UPK1B: variants seen among roughly 807,000 people sequenced by gnomAD.
The protein encoded by UPK1B is uroplakin 1B.
In UPK1B, 28 loss-of-function variants were observed where a neutral mutation model predicts 34.2. That is an observed-to-expected ratio of 0.82 (90% CI 0.61 to 1.12). The LOEUF is 1.12. Among genes scored for constraint, UPK1B ranks in the 50% most tolerant of loss-of-function variants. The pLI is 0.00. For synonymous variants in UPK1B, 81 were observed against 110.4 expected (o/e 0.73, Z 1.67); for missense variants, 325 against 320.9 (o/e 1.01, Z -0.10).
At chr3:119,184,631 C>G (rs1301654197) in intron 1 of UPK1B, among the ~76,000 whole-genome samples, 2 of 151,168 alleles carry the variant, frequency 1.3e-5, no homozygotes, top group Non-Finnish European at 2.9e-5. Flanking sequence ...GAGGCTGAGG[C>G]AGGACAATAG....
intron 1 of UPK1B, among the ~76,000 whole-genome samples, chr3:119,176,590 G>T (rs1284192518): frequency 6.6e-6 from 1 of 152,200 alleles, no homozygotes; most frequent in African/African-American, 2.4e-5. Context: ...ACAGGGCGGG[G>T]TGCACAGGGG....
Position 119,191,035 on chromosome 3 carries a change from C to T in UPK1B, c.399C>T (p.Ser133=). The T allele has an allele frequency of 6.2e-7, 1 of 1,614,072 alleles. No individual in the cohort carries two copies. Among genetic ancestry groups the T allele is most frequent in the Non-Finnish European group, 8.5e-7 (1 of 1,179,968 alleles). ...KQMLERYQNN[S]PPNNDDQWKN... ...TGCTAGAGAGGTACCAAAACAACAG[C>T]CCTCCAAACAATGATGACCAGTGGA... Residue 133 remains serine, a synonymous_variant, in exon 5 of 8, where the codon AGC becomes AGT. Transcript: ENST00000264234.
At chr3:119,200,148 T>TA (rs1024146196) in intron 7 of UPK1B, among the ~76,000 whole-genome samples, 50 of 152,154 alleles carry the variant, frequency 3.3e-4, no homozygotes, top group African/African-American at 1.1e-3. Context: ...GACATGTAAT[T>TA]AAAAAAATAG....
chr3:119,194,682 T>C (rs1015806502), intron 6 of UPK1B, among the ~76,000 whole-genome samples: 2 of 152,244 alleles, frequency 1.3e-5, no homozygotes, highest in African/African-American at 4.8e-5. Context: ...GGAATTGGTA[T>C]GTCAAGAAAT....
At chr3:119,198,859 T>C (rs184987190) in intron 6 of UPK1B, among the ~76,000 whole-genome samples, 198 bp from the exon 7 acceptor site, 1 of 152,360 alleles carries the variant, frequency 6.6e-6, no homozygotes, top group East Asian at 1.9e-4. Context: ...TGTGGAATCA[T>C]TGTTCAACAG....
At chr3:119,197,477 T>A (rs1256828611) in intron 6 of UPK1B, among the ~76,000 whole-genome samples, 1 of 152,186 alleles carries the variant, frequency 6.6e-6, no homozygotes, top group East Asian at 1.9e-4. Flanking sequence ...ATATATATAT[T>A]ATTAGATGAA....
At chr3:119,182,681 T>C (rs913790992) in intron 1 of UPK1B, among the ~76,000 whole-genome samples, 3 of 152,210 alleles carry the variant, frequency 2.0e-5, no homozygotes, top group African/African-American at 4.8e-5. Context: ...TATTAGACTA[T>C]GCTGTGAGCC....
chr3:119,189,710 T>C (rs1020198441), intron 3 of UPK1B, among the ~76,000 whole-genome samples: 1 of 152,232 alleles, frequency 6.6e-6, no homozygotes, highest in South Asian at 2.1e-4. Flanking sequence ...TGGATGCTTG[T>C]TAGGAAGGAC....
intron 1 of UPK1B, among the ~76,000 whole-genome samples, chr3:119,182,895 G>A (rs1013886379): frequency 7.2e-5 from 11 of 152,218 alleles, no homozygotes; most frequent in African/African-American, 2.7e-4. Context: ...ATGAGCTGTA[G>A]ATTTTTGATA....
chr3:119,195,496 A>T (rs565247580), intron 6 of UPK1B, among the ~76,000 whole-genome samples: 2 of 152,344 alleles, frequency 1.3e-5, no homozygotes, highest in South Asian at 4.1e-4. Context: ...AGTGTTCTAG[A>T]TTATTTTGCA....
At chr3:119,185,123 G>A (rs750439710) in intron 1 of UPK1B, among the ~76,000 whole-genome samples, 13 of 152,276 alleles carry the variant, frequency 8.5e-5, no homozygotes, top group Admixed American at 2.6e-4. Flanking sequence ...AGACGCAATG[G>A]CCCAGATTCT....
intron 4 of UPK1B, 38 bp downstream of exon 4, chr3:119,190,357 TC>T: frequency 6.6e-7 from 1 of 1,510,208 alleles, no homozygotes; most frequent in Non-Finnish European, 9.2e-7. Flanking sequence ...ATATGAATTA[TC>T]ATTATTATAA....
At chr3:119,191,601 CTCCTA>C (rs1383705148) in intron 5 of UPK1B, among the ~76,000 whole-genome samples, 1 of 152,218 alleles carries the variant, frequency 6.6e-6, no homozygotes, top group Non-Finnish European at 1.5e-5. Flanking sequence ...CTGGCCCCTG[CTCCTA>C]CTCCACACCC....
At chr3:119,201,869 T>C (rs2078092501) in intron 7 of UPK1B, among the ~76,000 whole-genome samples, 1 of 152,148 alleles carries the variant, frequency 6.6e-6, no homozygotes, top group Non-Finnish European at 1.5e-5. Flanking sequence ...TAGCATGTAG[T>C]AAGGGCTCAA....
chr3:119,199,622 G>A (rs1006328104), intron 7 of UPK1B, among the ~76,000 whole-genome samples: 3 of 152,206 alleles, frequency 2.0e-5, no homozygotes, highest in African/African-American at 4.8e-5. Flanking sequence ...AGGTTGGAGC[G>A]GTGGTTCTCA....
At chr3:119,202,330 G>A (rs541595429) in intron 7 of UPK1B, among the ~76,000 whole-genome samples, 1 of 152,240 alleles carries the variant, frequency 6.6e-6, no homozygotes, top group South Asian at 2.1e-4. Context: ...GACTGCTTGG[G>A]TTTGAATCCC....
intron 1 of UPK1B, among the ~76,000 whole-genome samples, chr3:119,179,097 G>A (rs1185643453): frequency 6.6e-6 from 1 of 151,792 alleles, no homozygotes; most frequent in Non-Finnish European, 1.5e-5. Context: ...TCCACACTTT[G>A]GAAGGCCAAG....
At chr3:119,203,124 C>T (rs1234477392) in intron 7 of UPK1B, among the ~76,000 whole-genome samples, 2 of 151,964 alleles carry the variant, frequency 1.3e-5, no homozygotes, top group African/African-American at 4.8e-5. Flanking sequence ...GGGCAAATCA[C>T]GAGGTCAGGA....
intron 7 of UPK1B, 39 bp from the exon 8 acceptor site, chr3:119,203,878 A>T: frequency 6.2e-7 from 1 of 1,602,320 alleles, no homozygotes; most frequent in Non-Finnish European, 8.6e-7. Flanking sequence ...TTTCTAAAAC[A>T]ATCCCTTGTT....
Sources: gnomAD v4.1 joint callset for allele counts (sites outside exome capture counted in the v4.1 genomes callset) on GRCh38, gnomAD v4.1.1 for gene constraint, MANE v1.5 for transcripts, NCBI Gene and HGNC (gene_info 2026-07-23, HGNC 2026-07-21) for gene names.